THBS2: variants seen among roughly 807,000 people sequenced by gnomAD.
THBS2 encodes thrombospondin-2.
Under a neutral mutation model 135.2 loss-of-function variants are expected in THBS2, and 47 were observed. That is an observed-to-expected ratio of 0.35 (90% CI 0.28 to 0.44). The LOEUF (loss-of-function observed/expected upper bound fraction) is 0.44. Among genes scored for constraint, THBS2 ranks in the 20% least tolerant of loss-of-function variants. The probability of loss-of-function intolerance (pLI) is 1.00; values close to 1 mark genes in which losing one functional copy is unlikely to be tolerated. For synonymous variants in THBS2, 639 were observed against 633.8 expected (o/e 1.01, Z -0.12); for missense variants, 1,288 against 1,603.1 (o/e 0.80, Z 3.36).
chr6:169,227,143 A>T (rs1779656408), intron 15 of THBS2, among the ~76,000 whole-genome samples: 1 of 152,160 alleles, frequency 6.6e-6, no homozygotes, highest in African/African-American at 2.4e-5. Context: ...CCGCTGTGAG[A>T]CAGAACAGCA....
Position 169,248,700 on chromosome 6 carries a change from G to C in THBS2, c.326C>G (p.Ser109Cys). The C allele has an allele frequency of 6.2e-7, 1 of 1,613,868 alleles. No homozygotes were observed. Among genetic ancestry groups the C allele is most frequent in the East Asian group, 2.2e-5 (1 of 44,806 alleles). The change falls in exon 3 of 22, where the codon TCC becomes TGC. Residue 109 changes from serine to cysteine, a missense_variant. Coordinates refer to ENST00000617924, the MANE Select transcript of THBS2 (RefSeq NM_003247.5). The stretch of plus-strand genomic sequence containing the variant: ...GGAGACGATCTCGAACTGCCTCTGG[G>C]AGAGACCGGGGCCCTCCAGAGCCAA... ...TLLALEGPGL[S>C]QRQFEIVSNG...
intron 9 of THBS2, among the ~76,000 whole-genome samples, chr6:169,236,631 T>TCC (rs1332945324): frequency 1.1e-5 from 1 of 87,570 alleles, no homozygotes; most frequent in Non-Finnish European, 2.2e-5. Flanking sequence ...CCACACTCAC[T>TCC]CCCATCCACA....
chr6:169,248,663 C>A lies in THBS2; in HGVS notation c.363G>T (p.Ala121=). The A allele has an allele frequency of 6.2e-7, 1 of 1,614,008 alleles. No homozygotes were observed. The highest frequency in any genetic ancestry group is 8.5e-7 in the Non-Finnish European group (1 of 1,179,992). The change falls in exon 3 of 22, where the codon GCG becomes GCT. Residue 121 remains alanine, a synonymous_variant. Transcript: ENST00000617924. ...RQFEIVSNGP[A]DTLDLTYWID... is the part of the protein sequence containing the mutation. The stretch of plus-strand genomic sequence containing the variant: ...TCCAGTAGGTGAGATCCAGCGTGTC[C>A]GCGGGGCCGTTGGAGACGATCTCGA...
In THBS2 at chr6:169,225,250, C is replaced by G; in HGVS notation, c.2668G>C (p.Asp890His). 6.2e-7 allele frequency: 1 copy of G among 1,613,468 alleles called. No individual in the cohort carries two copies. Among genetic ancestry groups the G allele is most frequent in the Non-Finnish European group, 8.5e-7 (1 of 1,179,670 alleles). Residue 890 changes from aspartate (D) to histidine (H), a missense_variant, in exon 17 of 22, where the codon GAC (aspartate) becomes CAC (histidine). Asp to His is a moderately conservative substitution (Grantham distance 81). Around this residue, in one of 2 missense-constraint regions of THBS2, gnomAD observed 874 missense variants for 1,156.1 expected, o/e 0.76. Coordinates refer to ENST00000617924, the MANE Select transcript of THBS2 (RefSeq NM_003247.5). ...SNANQADHDR[D>H]GQGDACDPDD... ...GGGTCACAGGCGTCGCCCTGGCCGT[C>G]TCTGTCATGGTCAGCCTGGTTGGCG...
chr6:169,223,543 C>A, intron 17 of THBS2, 68 bp from the exon 18 acceptor site: 1 of 1,404,970 alleles, frequency 7.1e-7, no homozygotes, highest in Non-Finnish European at 9.9e-7. Flanking sequence ...CGGTGGTTTG[C>A]CATTTGCTTT....
rs548141266 is a variant in THBS2, at chr6:169,237,577, G to A, written c.1300+48C>T. On this transcript the variant is annotated intron_variant, in intron 8 of 21. Transcript: ENST00000617924. ...AAAGGTCCCGATGACTGAGAGAAAC[G>A]CGGCCCCACCCCCACAGGCACGCGG... 1.1e-3 allele frequency: 1,772 copies of A among 1,606,474 alleles called. 28 individuals carry two copies. In the South Asian group the frequency reaches 0.017, roughly 15 times the overall value.
Position 169,252,866 on chromosome 6 carries a change from A to G in THBS2, c.-23+858T>C, listed in dbSNP as rs1382569491. Among the ~76,000 whole-genome samples, 2 of 152,236 alleles carry G rather than the reference A, an allele frequency of 1.3e-5. No individual in the cohort carries two copies. Among genetic ancestry groups the G allele is most frequent in the Non-Finnish European group, 2.9e-5 (2 of 68,044 alleles). ...AAAGGTCTTTTAAAACTCTTTTCGT[A>G]TGAACAATCAAAGTAAAAGATAGCT... On this transcript the variant is annotated intron_variant, in intron 1 of 21. Coordinates refer to ENST00000617924, the MANE Select transcript of THBS2 (RefSeq NM_003247.5). The surrounding 1 kb of genome is among the most constrained non-coding windows in gnomAD (Gnocchi z 4.3).
chr6:169,235,755 A>C (rs533914898), intron 9 of THBS2, among the ~76,000 whole-genome samples: 1 of 137,290 alleles, frequency 7.3e-6, no homozygotes, highest in East Asian at 2.2e-4. Flanking sequence ...ATCCACACTC[A>C]CTGCCCATAC....
At chr6:169,217,961 G>A (rs1779236364) in intron 21 of THBS2, 132 bp from the exon 22 acceptor site, 2 of 778,438 alleles carry the variant, frequency 2.6e-6, no homozygotes, top group South Asian at 3.8e-5. Context: ...TGGATGGATG[G>A]ATGGATGGAT....
At chr6:169,239,961 G>T (rs1181412134) in intron 6 of THBS2, among the ~76,000 whole-genome samples, 3 of 152,190 alleles carry the variant, frequency 2.0e-5, no homozygotes, top group Non-Finnish European at 4.4e-5. Context: ...AGAGCTCCAA[G>T]CTTCCTGGAA....
chr6:169,235,417 C>T (rs916608381), intron 9 of THBS2, among the ~76,000 whole-genome samples: 5 of 151,900 alleles, frequency 3.3e-5, no homozygotes, highest in African/African-American at 2.4e-5. Flanking sequence ...GGTATGACAC[C>T]GAATGTCCTC....
At chr6:169,225,857 C>T (rs1779607639) in intron 16 of THBS2, among the ~76,000 whole-genome samples, 1 of 152,254 alleles carries the variant, frequency 6.6e-6, no homozygotes, top group Non-Finnish European at 1.5e-5. Context: ...AACCTCGCTC[C>T]AGCTGATGAG....
rs1257649817 is a variant in THBS2, at chr6:169,225,191, C to T, written c.2727G>A (p.Arg909=). 4 of 1,614,222 alleles carry T rather than the reference C, an allele frequency of 2.5e-6. No homozygotes were observed. Among genetic ancestry groups the T allele is most frequent in the South Asian group, 2.2e-5 (2 of 91,084 alleles). The change falls in exon 17 of 22, where the codon AGG becomes AGA. Residue 909 remains arginine, a synonymous_variant. Coordinates refer to ENST00000617924, the MANE Select transcript of THBS2 (RefSeq NM_003247.5). ...GGTTGAACACAAGCCGGCAGTTGTC[C>T]CTGTCATCGGGGACGCCATCGTTGT... ...DDDNDGVPDD[R]DNCRLVFNPD...
At position 169,241,799 on chromosome 6, in the gene THBS2, A is replaced by T. The variant is rs765107702; in HGVS notation, c.854T>A (p.Val285Asp). The change falls in exon 5 of 22, where the codon GTC (valine) becomes GAC (aspartate). Residue 285 changes from valine to aspartate, a missense_variant. Around this residue, in one of 2 missense-constraint regions of THBS2, gnomAD observed 414 missense variants for 447.0 expected, o/e 0.93. Transcript: ENST00000617924. This position sits in a 1 kb window ranked among gnomAD's most constrained non-coding sequence, Gnocchi z 5.5. ...NMVQELSGLH[V>D]LVNQLSENLK... The stretch of plus-strand genomic sequence containing the variant: ...GTTCTCGCTGAGCTGGTTCACGAGG[A>T]CGTGGAGCCCCGAGAGCTCCTGGAC... 1.2e-6 allele frequency: 2 copies of T among 1,611,894 alleles called. No homozygotes were observed. Among genetic ancestry groups the T allele is most frequent in the Non-Finnish European group, 1.7e-6 (2 of 1,179,236 alleles).
At chr6:169,232,537 G>C in intron 12 of THBS2, 127 bp downstream of exon 12, 1 of 1,451,462 alleles carries the variant, frequency 6.9e-7, no homozygotes, top group Middle Eastern at 1.9e-4. Flanking sequence ...GCTTCCCCGG[G>C]CCAGCCCCTC....
chr6:169,240,709 A>G, intron 5 of THBS2, 117 bp from the exon 6 acceptor site: 1 of 1,309,948 alleles, frequency 7.6e-7, no homozygotes, highest in Non-Finnish European at 1.0e-6. Context: ...GTCAAGTAAG[A>G]CTTGACTCAT....
intron 9 of THBS2, 66 bp downstream of exon 9, chr6:169,237,104 T>A: frequency 2.0e-6 from 3 of 1,526,708 alleles, no homozygotes; most frequent in Non-Finnish European, 2.6e-6. Context: ...CGGCTCCAGC[T>A]GTGGCTGCTC....
Position 169,248,858 on chromosome 6 carries a change from G to C in THBS2, c.168C>G (p.Arg56=), listed in dbSNP as rs763761262. 1.2e-5 allele frequency: 20 copies of C among 1,612,042 alleles called. No individual in the cohort carries two copies. The East Asian group carries it at 3.6e-4, about 29-fold the overall frequency. Residue 56 remains arginine (R), a synonymous_variant, in exon 3 of 22, where the codon CGC becomes CGG. Coordinates refer to ENST00000617924, the MANE Select transcript of THBS2 (RefSeq NM_003247.5). ...GTGGGATGTAGTCAAAGCGCACGAA[G>C]CGGTAAGCCGGCACGCCGGGGTCGG... is the stretch of plus-strand genomic sequence containing the variant. ...RGPDPGVPAY[R]FVRFDYIPPV... is the part of the protein sequence containing the mutation.
chr6:169,228,908 A>AAAT (rs1779732988), intron 14 of THBS2, among the ~76,000 whole-genome samples: 1 of 136,134 alleles, frequency 7.3e-6, no homozygotes, highest in South Asian at 2.2e-4. Flanking sequence ...TGAGCGACCA[A>AAAT]AAAAAAAAAA....
Sources: gnomAD v4.1 joint callset for allele counts (sites outside exome capture counted in the v4.1 genomes callset) on GRCh38, gnomAD v4.1.1 for gene constraint, gnomAD v4.1.1 regional missense constraint, Gnocchi (gnomAD v3.1) non-coding constraint, MANE v1.5 for transcripts, NCBI Gene and HGNC (gene_info 2026-07-23, HGNC 2026-07-21) for gene names.